Variants in CACNA2D3 observed in about 807,000 individuals in gnomAD.
CACNA2D3 encodes the protein calcium voltage-gated channel auxiliary subunit alpha2delta 3.
Under a neutral mutation model 160.6 loss-of-function variants are expected in CACNA2D3, and 60 were observed. That is an observed-to-expected ratio of 0.37 (90% CI 0.30 to 0.46). CACNA2D3 has a LOEUF of 0.46. CACNA2D3 is among the 20% of genes least tolerant of loss of function. CACNA2D3 has a pLI of 1.00. For missense variants in CACNA2D3, 1,205 were observed against 1,365.0 expected (o/e 0.88, Z 1.85); for synonymous variants, 558 against 492.9 (o/e 1.13, Z -1.75).
chr3:54,301,065 G>A (rs2107489654), intron 2 of CACNA2D3, among the ~76,000 whole-genome samples: 1 of 151,898 alleles, frequency 6.6e-6, no homozygotes, highest in East Asian at 1.9e-4. Flanking sequence ...GTTAAGCCTG[G>A]GCGACATAGT....
At chr3:54,606,463 C>T (rs985464362) in intron 9 of CACNA2D3, among the ~76,000 whole-genome samples, 2 of 152,018 alleles carry the variant, frequency 1.3e-5, no homozygotes, top group African/African-American at 2.4e-5. Context: ...GTGGGTAAAG[C>T]GTGGCCAGAT....
At chr3:55,050,243 G>A (rs962795725) in intron 35 of CACNA2D3, among the ~76,000 whole-genome samples, 87 of 150,682 alleles carry the variant, frequency 5.8e-4, no homozygotes, top group East Asian at 2.3e-3. Flanking sequence ...GGCTGGTACC[G>A]GTTGTTCCTT....
intron 2 of CACNA2D3, among the ~76,000 whole-genome samples, chr3:54,141,462 G>C (rs1213199297): frequency 6.6e-6 from 1 of 152,178 alleles, no homozygotes; most frequent in Non-Finnish European, 1.5e-5. Flanking sequence ...AAACTTTACT[G>C]CTCATCTGCT....
intron 17 of CACNA2D3, among the ~76,000 whole-genome samples, chr3:54,850,998 C>G (rs1297226149): frequency 6.6e-6 from 1 of 152,214 alleles, no homozygotes; most frequent in Non-Finnish European, 1.5e-5. Flanking sequence ...AGAGAGGTCA[C>G]AGAGATGTGC....
intron 5 of CACNA2D3, among the ~76,000 whole-genome samples, chr3:54,506,243 G>C (rs1416677351): frequency 6.6e-6 from 1 of 152,088 alleles, no homozygotes; most frequent in East Asian, 1.9e-4. Flanking sequence ...CTCAGATCTA[G>C]TTATTGATGA....
chr3:55,054,392 A>G (rs922074773), intron 35 of CACNA2D3, among the ~76,000 whole-genome samples: 3 of 151,870 alleles, frequency 2.0e-5, no homozygotes, highest in African/African-American at 7.2e-5. Flanking sequence ...CTTCAGGTAT[A>G]CTGATCCTAT....
intron 4 of CACNA2D3, among the ~76,000 whole-genome samples, chr3:54,388,870 A>G (rs1213586388): frequency 6.6e-6 from 1 of 152,098 alleles, no homozygotes; most frequent in Non-Finnish European, 1.5e-5. Context: ...CACTTTTCTC[A>G]GAAGTTCCTG....
intron 17 of CACNA2D3, among the ~76,000 whole-genome samples, chr3:54,848,284 G>A (rs1245649038): frequency 1.3e-5 from 2 of 152,208 alleles, no homozygotes; most frequent in Non-Finnish European, 2.9e-5. Context: ...CATCAATGCT[G>A]TTCATCTCCT....
At chr3:54,920,047 A>G (rs539113831) in intron 27 of CACNA2D3, among the ~76,000 whole-genome samples, 4 of 152,320 alleles carry the variant, frequency 2.6e-5, no homozygotes, top group Non-Finnish European at 4.4e-5. Flanking sequence ...TCAGGCTGCC[A>G]TAAGCACCTC....
At chr3:54,303,241 A>G (rs1575382469) in intron 2 of CACNA2D3, among the ~76,000 whole-genome samples, 1 of 152,186 alleles carries the variant, frequency 6.6e-6, no homozygotes, top group East Asian at 1.9e-4. Context: ...ACCACTCAGC[A>G]TAGTATCTGG....
chr3:54,385,391 G>A (rs35411456), intron 3 of CACNA2D3, among the ~76,000 whole-genome samples: 68,069 of 152,004 alleles, frequency 0.45, 16,156 homozygotes, highest in Non-Finnish European at 0.53. Context: ...TAGTGAGTTA[G>A]CATCCGGGCT....
intron 9 of CACNA2D3, among the ~76,000 whole-genome samples, chr3:54,594,016 A>C (rs1363295233): frequency 6.6e-6 from 1 of 152,184 alleles, no homozygotes; most frequent in Non-Finnish European, 1.5e-5. Context: ...TTTGAAAATA[A>C]CCAATATACT....
intron 17 of CACNA2D3, among the ~76,000 whole-genome samples, chr3:54,852,159 T>G (rs1277753804): frequency 2.6e-5 from 4 of 152,060 alleles, no homozygotes; most frequent in Admixed American, 2.0e-4. Flanking sequence ...CCTCCCAGGC[T>G]GTAGCCTCTC....
intron 16 of CACNA2D3, among the ~76,000 whole-genome samples, chr3:54,843,226 G>A (rs962828986): frequency 6.6e-6 from 1 of 152,142 alleles, no homozygotes; most frequent in African/African-American, 2.4e-5. Context: ...CTCTCAAACT[G>A]TTAGGATTAC....
chr3:54,918,184 G>T (rs1196695680), intron 27 of CACNA2D3: 3 of 347,946 alleles, frequency 8.6e-6, no homozygotes, highest in East Asian at 1.0e-4. Flanking sequence ...CCCTTTCTCT[G>T]TGTGTGTCTT....
At chr3:54,864,699 C>T (rs1300639358) in intron 17 of CACNA2D3, among the ~76,000 whole-genome samples, 3 of 152,186 alleles carry the variant, frequency 2.0e-5, no homozygotes, top group Admixed American at 6.5e-5. Context: ...GATTCTGTGA[C>T]TGTTAATGGG....
chr3:54,491,473 T>C (rs530930139), intron 4 of CACNA2D3, among the ~76,000 whole-genome samples: 3 of 152,312 alleles, frequency 2.0e-5, no homozygotes, highest in South Asian at 2.1e-4. Flanking sequence ...CTGGAGAGAC[T>C]GAAAGAATCC....
At chr3:54,345,977 A>G (rs1041714146) in intron 3 of CACNA2D3, among the ~76,000 whole-genome samples, 1 of 152,100 alleles carries the variant, frequency 6.6e-6, no homozygotes, top group Admixed American at 6.6e-5. Flanking sequence ...GCCAGGATTT[A>G]TAGGATGCTG....
chr3:54,651,422 C>T (rs1384502914), intron 11 of CACNA2D3, among the ~76,000 whole-genome samples: 1 of 82,784 alleles, frequency 1.2e-5, no homozygotes, highest in African/African-American at 3.6e-5. Context: ...TCAGTTATCT[C>T]GAGAAAAAAA....
Sources: allele counts gnomAD v4.1 joint callset (sites outside exome capture counted in the v4.1 genomes callset), GRCh38; gene constraint gnomAD v4.1.1; transcripts MANE v1.5; gene names NCBI Gene and HGNC (gene_info 2026-07-23, HGNC 2026-07-21).